The following INPP4B variants were observed in gnomAD, a reference collection of about 807,000 sequenced individuals.
INPP4B encodes inositol polyphosphate 4-phosphatase type II.
A neutral mutation model predicts 122.5 loss-of-function variants in INPP4B; 55 were observed. The observed-to-expected ratio is 0.45, with a 90% CI of 0.36 to 0.56. The LOEUF (loss-of-function observed/expected upper bound fraction) is 0.56. Ranked by LOEUF, INPP4B falls within the 20% of genes least tolerant of loss-of-function variation. The probability of loss-of-function intolerance (pLI) is 0.00; values close to 1 mark genes in which losing one functional copy is unlikely to be tolerated. For missense variants in INPP4B, 1,000 were observed against 1,097.7 expected, an observed-to-expected ratio of 0.91 and a Z score of 1.26; for synonymous variants, 403 against 388.7, an observed-to-expected ratio of 1.04 and a Z score of -0.43.
rs74538249 is a variant in INPP4B, at chr4:142,472,626, T to C, written c.-190-9900A>G. Among the ~76,000 whole-genome samples, 953 of 152,288 alleles carry C rather than the reference T, an allele frequency of 6.3e-3. 14 individuals carry two copies. The highest frequency in any genetic ancestry group is 0.022 in the African/African-American group (899 of 41,576). On this transcript the variant is annotated intron_variant, in intron 2 of 25. Transcript: ENST00000262992. ...CTCAGAATTATTACATAGCTCCCCA[T>C]CTCAAAAGATTCTTATACCTACTTG...
chr4:142,084,729 T>C (rs1212092616), intron 24 of INPP4B, among the ~76,000 whole-genome samples: 1 of 152,180 alleles, frequency 6.6e-6, no homozygotes, highest in African/African-American at 2.4e-5. Context: ...GTGGGATTTA[T>C]AGGAAAACTT....
intron 6 of INPP4B, among the ~76,000 whole-genome samples, chr4:142,404,833 T>C (rs1579969587): frequency 6.6e-6 from 1 of 152,080 alleles, no homozygotes; most frequent in East Asian, 1.9e-4. Flanking sequence ...AATATTTATT[T>C]CAATTTAAAG....
intron 2 of INPP4B, among the ~76,000 whole-genome samples, chr4:142,549,492 C>A (rs1005475972): frequency 6.6e-6 from 1 of 152,094 alleles, no homozygotes; most frequent in African/African-American, 2.4e-5. Flanking sequence ...GGGGTAGGTG[C>A]AGAAACCAAA....
chr4:142,704,399 G>A (rs567577534), intron 2 of INPP4B, among the ~76,000 whole-genome samples: 4 of 152,224 alleles, frequency 2.6e-5, no homozygotes, highest in African/African-American at 9.6e-5. Context: ...ATATAATTTG[G>A]TAAAACTACC....
intron 21 of INPP4B, among the ~76,000 whole-genome samples, chr4:142,118,436 C>A (rs1192629841): frequency 6.6e-6 from 1 of 152,024 alleles, no homozygotes; most frequent in African/African-American, 2.4e-5. Flanking sequence ...GTACTGGTAC[C>A]AAAACAGAGA....
At chr4:142,125,272 G>A (rs562911636) in intron 18 of INPP4B, among the ~76,000 whole-genome samples, 3 of 151,598 alleles carry the variant, frequency 2.0e-5, no homozygotes, top group African/African-American at 7.3e-5. Flanking sequence ...ACACTCTACT[G>A]AATTCCCTTC....
intron 7 of INPP4B, among the ~76,000 whole-genome samples, chr4:142,382,659 A>T (rs930094502): frequency 2.4e-5 from 3 of 125,516 alleles, no homozygotes; most frequent in South Asian, 2.2e-4. Context: ...ATATATATTT[A>T]TATATATATT....
At chr4:142,224,863 G>A (rs1211010266) in intron 12 of INPP4B, among the ~76,000 whole-genome samples, 1 of 152,006 alleles carries the variant, frequency 6.6e-6, no homozygotes, top group Non-Finnish European at 1.5e-5. Context: ...TCCAAGATAA[G>A]GCGCGTGTAT....
At chr4:142,625,100 C>A (rs201505767) in intron 2 of INPP4B, among the ~76,000 whole-genome samples, 4 of 150,116 alleles carry the variant, frequency 2.7e-5, no homozygotes, top group African/African-American at 9.8e-5. Flanking sequence ...CTCACCACTC[C>A]TATTCAACAT....
chr4:142,094,644 C>T (rs1781076077), intron 23 of INPP4B, among the ~76,000 whole-genome samples: 2 of 152,154 alleles, frequency 1.3e-5, no homozygotes, highest in African/African-American at 4.8e-5. Flanking sequence ...ACCAAGGGCT[C>T]ACCTTTTCCA....
intron 2 of INPP4B, among the ~76,000 whole-genome samples, chr4:142,643,394 A>G (rs1750982358): frequency 6.6e-6 from 1 of 152,208 alleles, no homozygotes; most frequent in African/African-American, 2.4e-5. Context: ...CAGTAAAACT[A>G]TAAAGAAAAA....
intron 1 of INPP4B, among the ~76,000 whole-genome samples, chr4:142,836,169 A>G (rs895262785): frequency 6.6e-6 from 1 of 152,196 alleles, no homozygotes; most frequent in Non-Finnish European, 1.5e-5. Flanking sequence ...TATTCACTCA[A>G]TGAAACTTCA....
chr4:142,243,655 A>G (rs900017377), intron 11 of INPP4B, among the ~76,000 whole-genome samples: 14 of 152,188 alleles, frequency 9.2e-5, no homozygotes, highest in Admixed American at 5.2e-4. Flanking sequence ...CAAAGTAGTG[A>G]ATTTAGTAAC....
intron 2 of INPP4B, among the ~76,000 whole-genome samples, chr4:142,477,451 A>G (rs942571044): frequency 2.0e-5 from 3 of 149,658 alleles, no homozygotes; most frequent in Non-Finnish European, 4.4e-5. Flanking sequence ...ATTAGGGCTG[A>G]TCTGAAGGAA....
chr4:142,221,989 T>C (rs1234834762), intron 12 of INPP4B, among the ~76,000 whole-genome samples: 3 of 152,236 alleles, frequency 2.0e-5, no homozygotes, highest in Admixed American at 6.5e-5. Context: ...AGATGGAGCC[T>C]CACTCTGTCA....
intron 9 of INPP4B, among the ~76,000 whole-genome samples, chr4:142,299,581 C>T (rs1000057497): frequency 2.1e-4 from 30 of 144,926 alleles, no homozygotes; most frequent in Admixed American, 9.7e-4. Context: ...CCATCCTTTT[C>T]CTCTAATTTT....
intron 2 of INPP4B, among the ~76,000 whole-genome samples, chr4:142,548,566 A>AT (rs1207577103): frequency 2.6e-5 from 4 of 151,994 alleles, no homozygotes; most frequent in South Asian, 2.1e-4. Flanking sequence ...AATTTGGAAC[A>AT]TTTTTTTTCT....
intron 12 of INPP4B, among the ~76,000 whole-genome samples, chr4:142,220,921 C>T (rs901209940): frequency 6.6e-6 from 1 of 152,060 alleles, no homozygotes; most frequent in Non-Finnish European, 1.5e-5. Context: ...TGGATTAGGG[C>T]CCACCCTAAT....
chr4:142,374,377 C>G (rs1167111990), intron 7 of INPP4B, among the ~76,000 whole-genome samples: 1 of 151,826 alleles, frequency 6.6e-6, no homozygotes, highest in East Asian at 1.9e-4. Flanking sequence ...TTTCAGTCAT[C>G]TAGATTTCTC....
Sources: allele counts gnomAD v4.1 joint callset (sites outside exome capture counted in the v4.1 genomes callset), GRCh38; gene constraint gnomAD v4.1.1; transcripts MANE v1.5; gene names NCBI Gene and HGNC (gene_info 2026-07-23, HGNC 2026-07-21).